SEL1L2: variants seen among roughly 807,000 people sequenced by gnomAD.
SEL1L2 encodes the protein SEL1L2 adaptor subunit of SYVN1 ubiquitin ligase.
SEL1L2 carries 89 observed loss-of-function variants against 98.8 expected under a neutral mutation model. The ratio of observed to expected loss-of-function variants is 0.90; its 90% CI spans 0.76 to 1.07. The LOEUF (loss-of-function observed/expected upper bound fraction) is 1.07. SEL1L2 is among the 50% of genes least tolerant of loss of function. SEL1L2 has a pLI of 0.00. For missense variants in SEL1L2, 788 were observed against 812.0 expected, an observed-to-expected ratio of 0.97 and a Z score of 0.36; for synonymous variants, 262 against 278.5, an observed-to-expected ratio of 0.94 and a Z score of 0.59.
chr20:13,922,150 G>C (rs2048692321), intron 3 of SEL1L2, among the ~76,000 whole-genome samples: 1 of 152,058 alleles, frequency 6.6e-6, no homozygotes, highest in Non-Finnish European at 1.5e-5. Flanking sequence ...ATACAATAAT[G>C]CATTATTATA....
chr20:13,965,808 C>G (rs769512853), intron 1 of SEL1L2, among the ~76,000 whole-genome samples: 1 of 151,930 alleles, frequency 6.6e-6, no homozygotes, highest in African/African-American at 2.4e-5. Flanking sequence ...CAAAAATTAG[C>G]TGGGTGTGGT....
intron 17 of SEL1L2, 68 bp from the exon 18 acceptor site, chr20:13,859,502 A>G: frequency 4.4e-6 from 6 of 1,373,670 alleles, no homozygotes; most frequent in Middle Eastern, 2.1e-4. Flanking sequence ...CAGGAATTCA[A>G]CCTAGTAATC....
chr20:13,973,197 A>C (rs2051364920), intron 1 of SEL1L2: 1 of 152,136 alleles, frequency 6.6e-6, no homozygotes, highest in Non-Finnish European at 1.5e-5. Flanking sequence ...CAGATATTTC[A>C]TTTCTAAAAT....
intron 1 of SEL1L2, among the ~76,000 whole-genome samples, chr20:13,966,681 G>A (rs1484883060): frequency 2.0e-5 from 3 of 152,038 alleles, no homozygotes; most frequent in African/African-American, 7.2e-5. Flanking sequence ...GAAGAAGTTG[G>A]ATAAATTACT....
At chr20:13,979,839 C>A (rs768112630) in intron 1 of SEL1L2, among the ~76,000 whole-genome samples, 14 of 151,982 alleles carry the variant, frequency 9.2e-5, no homozygotes, top group African/African-American at 3.4e-4. Context: ...GCATAAGCAA[C>A]AAAATGAAAA....
At chr20:13,898,835 C>A (rs1288719451) in intron 5 of SEL1L2, among the ~76,000 whole-genome samples, 1 of 152,136 alleles carries the variant, frequency 6.6e-6, no homozygotes, top group South Asian at 2.1e-4. Context: ...CTCCGCCTCC[C>A]GGGTTCAAGA....
intron 5 of SEL1L2, among the ~76,000 whole-genome samples, chr20:13,899,710 A>G (rs565090834): frequency 8.5e-5 from 13 of 152,176 alleles, no homozygotes; most frequent in Non-Finnish European, 1.8e-4. Context: ...TTAAGTTTCA[A>G]CATGGATTTT....
At chr20:13,955,895 G>A (rs557276754) in intron 2 of SEL1L2, among the ~76,000 whole-genome samples, 181 bp downstream of exon 2, 2 of 152,002 alleles carry the variant, frequency 1.3e-5, no homozygotes, top group East Asian at 3.9e-4. Flanking sequence ...CAGGCCTGAA[G>A]ACAGTCTTAT....
At chr20:13,870,335 A>G (rs2046126126) in intron 12 of SEL1L2, 132 bp from the exon 13 acceptor site, 2 of 645,764 alleles carry the variant, frequency 3.1e-6, no homozygotes, top group Non-Finnish European at 5.5e-6. Flanking sequence ...GGTTATTCTG[A>G]CCCACTCTAG....
intron 12 of SEL1L2, among the ~76,000 whole-genome samples, chr20:13,872,466 C>T (rs1290682283): frequency 2.0e-5 from 3 of 152,174 alleles, no homozygotes; most frequent in Non-Finnish European, 4.4e-5. Flanking sequence ...GACGTGGTTG[C>T]TTTCCCTTCT....
intron 8 of SEL1L2, among the ~76,000 whole-genome samples, chr20:13,887,303 T>A (rs543840645): frequency 3.9e-5 from 6 of 152,322 alleles, no homozygotes; most frequent in Admixed American, 2.0e-4. Context: ...ATGCCAAAGA[T>A]GTGTGCTTAG....
Position 13,901,667 on chromosome 20 carries a change from CT to C in SEL1L2, c.549+12114del, listed in dbSNP as rs201961117. On this transcript the variant is annotated intron_variant, in intron 5 of 19. Transcript: ENST00000284951. ...TTAAATTTTTTTTGCAAATTTTTTT[CT>C]TTTTTTTTTTTGAGACGGAGTCTCA... 2.4e-3 allele frequency among the ~76,000 whole-genome samples: 334 copies of C among 139,558 alleles called. 6 individuals are homozygous for C. In the East Asian group the frequency reaches 0.04, roughly 17 times the overall value. 91.6% of individuals were successfully genotyped at this position (139,558 alleles called of 152,430 possible).
chr20:13,877,774 A>G (rs1417584200), intron 10 of SEL1L2, among the ~76,000 whole-genome samples, 186 bp from the exon 11 acceptor site: 4 of 152,228 alleles, frequency 2.6e-5, no homozygotes, highest in Admixed American at 6.5e-5. Flanking sequence ...ATTTTCAACC[A>G]TAACCTGAGG....
chr20:13,949,453 A>C (rs770244711), intron 2 of SEL1L2, among the ~76,000 whole-genome samples: 9 of 152,290 alleles, frequency 5.9e-5, no homozygotes, highest in Middle Eastern at 3.4e-3. Context: ...TCACGAGGTC[A>C]GGAGATCAAG....
At chr20:13,939,622 C>T (rs7262262) in intron 2 of SEL1L2, among the ~76,000 whole-genome samples, 13 of 150,488 alleles carry the variant, frequency 8.6e-5, no homozygotes, top group East Asian at 2.0e-4. Context: ...GTTTTTTGAG[C>T]GGCAACAGGT....
intron 10 of SEL1L2, among the ~76,000 whole-genome samples, chr20:13,878,400 T>C (rs989594777): frequency 1.3e-5 from 2 of 151,044 alleles, no homozygotes; most frequent in Non-Finnish European, 2.9e-5. Context: ...ATCTTCTGGG[T>C]TCAAGTGATT....
chr20:13,951,880 C>G (rs1417472814), intron 2 of SEL1L2, among the ~76,000 whole-genome samples: 3 of 151,880 alleles, frequency 2.0e-5, no homozygotes, highest in African/African-American at 7.3e-5. Flanking sequence ...CAATCTCCAG[C>G]TGCAGCTCAG....
At chr20:13,924,747 C>T (rs2048808344) in intron 3 of SEL1L2, among the ~76,000 whole-genome samples, 1 of 152,120 alleles carries the variant, frequency 6.6e-6, no homozygotes, top group Non-Finnish European at 1.5e-5. Flanking sequence ...TACATGGCTG[C>T]TTATTCCTTT....
chr20:13,927,917 A>G (rs931000503), intron 3 of SEL1L2: 5 of 152,202 alleles, frequency 3.3e-5, no homozygotes, highest in African/African-American at 1.2e-4. Context: ...GCTGTGTCGC[A>G]TGGACCCACA....
Sources: allele counts gnomAD v4.1 joint callset (sites outside exome capture counted in the v4.1 genomes callset), GRCh38; gene constraint gnomAD v4.1.1; transcripts MANE v1.5; gene names NCBI Gene and HGNC (gene_info 2026-07-23, HGNC 2026-07-21).